The following ARID2 variants were observed in gnomAD, a reference collection of about 807,000 sequenced individuals.
ARID2 encodes the protein AT-rich interaction domain 2.
Under a neutral mutation model 184.6 loss-of-function variants are expected in ARID2, and 32 were observed. The ratio of observed to expected loss-of-function variants is 0.17; its 90% confidence interval spans 0.13 to 0.23. ARID2 has a LOEUF of 0.23. Ranked by LOEUF, ARID2 falls within the 10% of genes least tolerant of loss-of-function variation. ARID2 has a pLI of 1.00. For missense variants in ARID2, 1,696 were observed against 2,197.6 expected (o/e 0.77, Z 4.56); for synonymous variants, 836 against 772.6 (o/e 1.08, Z -1.36).
intron 15 of ARID2, among the ~76,000 whole-genome samples, chr12:45,856,836 T>A (rs1943659938): frequency 6.6e-6 from 1 of 152,318 alleles, no homozygotes; most frequent in South Asian, 2.1e-4. Context: ...TAAAATAAAC[T>A]GTACCTACTT....
At chr12:45,849,042 A>G in intron 13 of ARID2, 72 bp downstream of exon 13, 2 of 1,488,210 alleles carry the variant, frequency 1.3e-6, no homozygotes, top group Non-Finnish European at 1.8e-6. Flanking sequence ...TAAAGAAAAT[A>G]CCAAATATCT....
At chr12:45,899,460 G>A (rs1025281488) in intron 20 of ARID2, among the ~76,000 whole-genome samples, 4 of 149,384 alleles carry the variant, frequency 2.7e-5, no homozygotes, top group Non-Finnish European at 3.0e-5. Context: ...AAAAAAATTA[G>A]CTGGGCGTGG....
chr12:45,879,757 T>A (rs1301620336), intron 16 of ARID2, among the ~76,000 whole-genome samples: 1 of 152,246 alleles, frequency 6.6e-6, no homozygotes, highest in African/African-American at 2.4e-5. Context: ...TTATCTTTTA[T>A]CCTTGTTTAT....
At chr12:45,809,018 A>G (rs1199168149) in intron 3 of ARID2, among the ~76,000 whole-genome samples, 18 of 151,650 alleles carry the variant, frequency 1.2e-4, no homozygotes, top group Admixed American at 1.2e-3. Context: ...CTCCCACCTC[A>G]CCTCCCAAAG....
intron 3 of ARID2, among the ~76,000 whole-genome samples, chr12:45,766,747 CT>C (rs1487620965): frequency 6.6e-6 from 1 of 152,162 alleles, no homozygotes; most frequent in Non-Finnish European, 1.5e-5. Flanking sequence ...ATCTCCTGAC[CT>C]TGTGATCCGC....
intron 20 of ARID2, among the ~76,000 whole-genome samples, chr12:45,899,001 T>A (rs375862626): frequency 2.0e-5 from 3 of 151,344 alleles, no homozygotes; most frequent in South Asian, 2.1e-4. Flanking sequence ...AGGCGGGGCG[T>A]GGTGGCTCAT....
At chr12:45,732,198 A>G (rs1033267747) in intron 3 of ARID2, among the ~76,000 whole-genome samples, 2 of 152,166 alleles carry the variant, frequency 1.3e-5, no homozygotes, top group Non-Finnish European at 2.9e-5. Context: ...ATTAAAAACT[A>G]AAATGATATT....
intron 16 of ARID2, among the ~76,000 whole-genome samples, chr12:45,886,501 A>G (rs1490296608): frequency 6.6e-6 from 1 of 152,212 alleles, no homozygotes; most frequent in African/African-American, 2.4e-5. Context: ...CTCTTCTCAC[A>G]GCTCCACTAG....
chr12:45,846,287 G>A (rs1011633729), intron 11 of ARID2, among the ~76,000 whole-genome samples: 1 of 151,770 alleles, frequency 6.6e-6, no homozygotes, highest in Non-Finnish European at 1.5e-5. Flanking sequence ...TTTGAATATG[G>A]GACTTTAAAT....
chr12:45,748,564 A>G (rs1941401195), intron 3 of ARID2, among the ~76,000 whole-genome samples: 1 of 152,120 alleles, frequency 6.6e-6, no homozygotes, highest in Admixed American at 6.5e-5. Flanking sequence ...AAATTTCTTA[A>G]GACAACAATG....
In ARID2 at chr12:45,882,958, G is replaced by A. The variant is rs926460847; in HGVS notation, c.4923-8822G>A. On this transcript the variant is annotated intron_variant, in intron 16 of 20. Transcript: ENST00000334344. ...AAGTCATCAGTTCTTTGCTGACTTA[G>A]CCTGTTGGCATCTTGCATTTTCAAT... Among the ~76,000 whole-genome samples, 5 of 152,230 alleles carry A rather than the reference G, an allele frequency of 3.3e-5. No homozygotes were observed. The South Asian group carries it at 6.2e-4, about 19-fold the overall frequency.
chr12:45,848,761 A>AC, intron 12 of ARID2, 75 bp from the exon 13 acceptor site: 3 of 1,306,210 alleles, frequency 2.3e-6, no homozygotes, highest in Non-Finnish European at 3.1e-6. Context: ...CATTGCCTCC[A>AC]CATGGCTTTA....
chr12:45,903,824 G>A (rs1944487850), intron 20 of ARID2, among the ~76,000 whole-genome samples: 1 of 151,768 alleles, frequency 6.6e-6, no homozygotes, highest in Admixed American at 6.6e-5. Context: ...AAGGCACCAA[G>A]GTTCCTGGGT....
At position 45,904,258 on chromosome 12, in the gene ARID2, A is replaced by T. The variant is rs1439069849; in HGVS notation, c.5364-676A>T. 13 of 679,754 alleles carry T rather than the reference A, an allele frequency of 1.9e-5. No individual in the cohort carries two copies. In the East Asian group the frequency reaches 3.6e-4, roughly 19 times the overall value. The allele number at this position is 679,754 out of a possible 1,614,324, so 42.1% of individuals were successfully genotyped here. On this transcript the variant is annotated intron_variant, in intron 20 of 20. Coordinates refer to ENST00000334344, the MANE Select transcript of ARID2 (RefSeq NM_152641.4). ...GAAGCTTTAATTATACCTACAATAT[A>T]ATTTTAATTTCATGTCATCCCTTAA...
chr12:45,768,005 A>G (rs1315017361), intron 3 of ARID2, among the ~76,000 whole-genome samples: 2 of 152,216 alleles, frequency 1.3e-5, no homozygotes, highest in Non-Finnish European at 2.9e-5. Context: ...TAGCAAATGA[A>G]AAGACATTTA....
intron 3 of ARID2, among the ~76,000 whole-genome samples, chr12:45,759,730 A>AATTG (rs1007767038): frequency 1.3e-5 from 2 of 152,078 alleles, no homozygotes; most frequent in African/African-American, 4.8e-5. Flanking sequence ...TAATTGCACC[A>AATTG]ATTGATTGAT....
At chr12:45,870,171 T>G (rs564666064) in intron 16 of ARID2, among the ~76,000 whole-genome samples, 271 of 152,090 alleles carry the variant, frequency 1.8e-3, no homozygotes, top group African/African-American at 6.2e-3. Flanking sequence ...GTATTTTTAG[T>G]AGAGAACGGG....
intron 16 of ARID2, among the ~76,000 whole-genome samples, chr12:45,886,782 C>A (rs1047847773): frequency 1.3e-5 from 2 of 152,252 alleles, no homozygotes; most frequent in Non-Finnish European, 2.9e-5. Context: ...ACAGCCCAAG[C>A]TGTACCTTGG....
At chr12:45,890,411 C>T (rs1194684115) in intron 16 of ARID2, among the ~76,000 whole-genome samples, 1 of 152,148 alleles carries the variant, frequency 6.6e-6, no homozygotes, top group Admixed American at 6.5e-5. Flanking sequence ...TATGTGTGCA[C>T]GTGTGTGCAG....
Sources: allele counts gnomAD v4.1 joint callset (sites outside exome capture counted in the v4.1 genomes callset), GRCh38; gene constraint gnomAD v4.1.1; transcripts MANE v1.5; gene names NCBI Gene and HGNC (gene_info 2026-07-23, HGNC 2026-07-21).